PARG: variants seen among roughly 807,000 people sequenced by gnomAD.
The protein encoded by PARG is mitochondrial poly(ADP-ribose) glycohydrolase.
A neutral mutation model predicts 113.0 loss-of-function variants in PARG; 35 were observed. That is an observed-to-expected ratio of 0.31 (90% CI 0.24 to 0.41). The LOEUF (loss-of-function observed/expected upper bound fraction) is 0.41, where lower values mean the gene tolerates loss of function less well. Ranked by LOEUF, PARG falls within the 10% of genes least tolerant of loss-of-function variation. The pLI, the probability that PARG is intolerant of heterozygous loss-of-function variation, is 1.00. For missense variants in PARG, 797 were observed against 1,169.4 expected (o/e 0.68, Z 4.64); for synonymous variants, 330 against 409.9 (o/e 0.81, Z 2.36).
chr10:49,854,193 A>AG (rs1271420905), intron 13 of PARG, among the ~76,000 whole-genome samples: 1 of 148,968 alleles, frequency 6.7e-6, no homozygotes, highest in Non-Finnish European at 1.5e-5. Context: ...AAGCCATCAG[A>AG]GGGGGCAAAA....
chr10:49,933,450 C>T lies in PARG; in HGVS notation c.998G>A (p.Ser333Asn), dbSNP rs1554910423. 2.5e-6 allele frequency: 4 copies of T among 1,612,512 alleles called. No homozygotes were observed. The Admixed American group carries it at 6.7e-5, about 27-fold the overall frequency. ...AGGTTTATTTGCTGTTTGGGAGGAA[C>T]TACCATCTTCTTGTTCATCAAAACC... ...SPGFDEQEDG[S>N]SSQTANKPSR... is the part of the protein sequence containing the mutation. The change falls in exon 3 of 18, where the codon AGT (serine) becomes AAT (asparagine). Residue 333 changes from serine (S) to asparagine (N), a missense_variant. Physicochemically the swap from Ser to Asn is conservative, Grantham distance 46. Around this residue, in one of 5 missense-constraint regions of PARG, gnomAD observed 252 missense variants for 437.4 expected, o/e 0.58. Transcript: ENST00000616448.
intron 4 of PARG, 88 bp downstream of exon 4, chr10:49,932,012 A>C (rs1240527092): frequency 1.3e-6 from 1 of 761,950 alleles, no homozygotes; most frequent in Non-Finnish European, 2.3e-6. Context: ...AGAACTTTCT[A>C]AGCCTTGGTC....
Position 49,931,962 on chromosome 10 carries a change from T to C in PARG, c.1455+138A>G, listed in dbSNP as rs1428189310. 2,080 of 636,314 alleles carry C rather than the reference T, an allele frequency of 3.3e-3. 2 individuals carry two copies. The highest frequency in any genetic ancestry group is 4.9e-3 in the Non-Finnish European group (1,729 of 353,142). 39.4% of individuals were successfully genotyped at this position (636,314 alleles called of 1,614,324 possible). On this transcript the variant is annotated intron_variant, in intron 4 of 17. Transcript: ENST00000616448. ...GTAAGTTATCATTATATTGCTCCAT[T>C]CTGTAGAATTCTCAGTATTTTATAT...
At chr10:49,926,175 T>C (rs1460348352) in intron 4 of PARG, among the ~76,000 whole-genome samples, 3 of 152,058 alleles carry the variant, frequency 2.0e-5, no homozygotes, top group African/African-American at 7.3e-5. Flanking sequence ...CTTGGTACTG[T>C]GACGTGCCTG....
At position 49,856,764 on chromosome 10, in the gene PARG, A is replaced by C. The variant is rs2941124; in HGVS notation, c.2353+542T>G. On this transcript the variant is annotated intron_variant, in intron 13 of 17. Transcript: ENST00000616448. ...GTGGCTCACGCCTGTAATCCCAGCA[A>C]TTTGGGAGGCCGAGGCGGGCGGATC... Among the ~76,000 whole-genome samples, 4 of 151,708 alleles carry C rather than the reference A, an allele frequency of 2.6e-5. No individual in the cohort carries two copies. The East Asian group carries it at 7.8e-4, about 30-fold the overall frequency.
intron 15 of PARG, 109 bp from the exon 16 acceptor site, chr10:49,833,017 A>G: frequency 4.2e-6 from 2 of 481,746 alleles, no homozygotes; most frequent in Non-Finnish European, 7.2e-6. Flanking sequence ...TCAATTTCTC[A>G]TTTTTTTTTT....
intron 7 of PARG, among the ~76,000 whole-genome samples, chr10:49,888,402 T>C (rs1271255704): frequency 6.6e-6 from 1 of 152,180 alleles, no homozygotes; most frequent in African/African-American, 2.4e-5. Context: ...TAGACATTAC[T>C]TTATGTTAGG....
At chr10:49,898,390 AT>A (rs1848197623) in intron 7 of PARG, among the ~76,000 whole-genome samples, 1 of 150,748 alleles carries the variant, frequency 6.6e-6, no homozygotes, top group Non-Finnish European at 1.5e-5. Flanking sequence ...GATCTCACAT[AT>A]TTATTACCTC....
intron 7 of PARG, among the ~76,000 whole-genome samples, chr10:49,900,358 T>A (rs1480192334): frequency 6.6e-6 from 1 of 151,672 alleles, no homozygotes; most frequent in African/African-American, 2.4e-5. Context: ...TGGTGGAAAT[T>A]TCCCCATCAT....
rs545335697 is a variant in PARG, at chr10:49,821,867, ACAGG to A, written c.2648-1578_2648-1575del. ...CCACATTGAAGGGAAAGGAAGAAGA[ACAGG>A]AAGAAAGAAAGAACCCAAGTAACTT... On this transcript the variant is annotated intron_variant, in intron 16 of 17. Transcript: ENST00000616448. Among the ~76,000 whole-genome samples, 37 of 152,298 alleles carry A rather than the reference ACAGG, an allele frequency of 2.4e-4. No homozygotes were observed. The South Asian group carries it at 4.1e-3, about 17-fold the overall frequency.
At chr10:49,899,400 G>A (rs1345468710) in intron 7 of PARG, among the ~76,000 whole-genome samples, 1 of 152,220 alleles carries the variant, frequency 6.6e-6, no homozygotes, top group Non-Finnish European at 1.5e-5. Flanking sequence ...AGAGCAGAAT[G>A]TGACAGCTTA....
intron 7 of PARG, among the ~76,000 whole-genome samples, chr10:49,900,491 C>A (rs1202078950): frequency 6.6e-6 from 1 of 151,896 alleles, no homozygotes; most frequent in Admixed American, 6.6e-5. Flanking sequence ...TATTTTCCTA[C>A]ACAAACTTCA....
At chr10:49,918,973 C>G (rs1240512045) in intron 6 of PARG, among the ~76,000 whole-genome samples, 3 of 151,858 alleles carry the variant, frequency 2.0e-5, no homozygotes, top group Non-Finnish European at 2.9e-5. Flanking sequence ...GAGTTTCGCT[C>G]TTTGTTGCCC....
In PARG at chr10:49,842,151, T is replaced by C. The variant is rs1845275021; in HGVS notation, c.2433-93A>G. The C allele has an allele frequency of 7.4e-6, 6 of 805,738 alleles. No homozygotes were observed. In the East Asian group the frequency reaches 1.6e-4, roughly 21 times the overall value. The allele number at this position is 805,738 out of a possible 1,614,324, so 49.9% of individuals were successfully genotyped here. A position where few individuals can be genotyped will look rare whatever the true frequency, so the allele number is the denominator to read the frequency against. On this transcript the variant is annotated intron_variant, in intron 14 of 17. Transcript: ENST00000616448. ...GGTCAGGTTGCCAAGACTTTAGCTC[T>C]GTTAAAATATTAAAAACAAACCAGT...
intron 7 of PARG, among the ~76,000 whole-genome samples, chr10:49,903,691 G>C (rs1554844175): frequency 6.6e-6 from 1 of 151,696 alleles, no homozygotes; most frequent in African/African-American, 2.4e-5. Flanking sequence ...GATAAAAACT[G>C]AGCTGAGTCT....
intron 4 of PARG, among the ~76,000 whole-genome samples, chr10:49,931,693 CAAAAA>C (rs1191457420): frequency 5.6e-5 from 4 of 71,756 alleles, no homozygotes; most frequent in East Asian, 5.8e-4. Flanking sequence ...TGGTCTCCAG[CAAAAA>C]AAAAAAAAAA....
At chr10:49,820,635 T>C (rs542774537) in intron 16 of PARG, among the ~76,000 whole-genome samples, 6 of 151,620 alleles carry the variant, frequency 4.0e-5, no homozygotes, top group East Asian at 1.9e-4. Flanking sequence ...AGCAGGAGAA[T>C]TGCTTGAACC....
At chr10:49,936,818 G>A (rs1392039751) in intron 1 of PARG, among the ~76,000 whole-genome samples, 4 of 152,042 alleles carry the variant, frequency 2.6e-5, no homozygotes, top group African/African-American at 9.7e-5. Flanking sequence ...TGAAATAATG[G>A]CATAATCGAA....
chr10:49,889,395 A>C (rs1847658472), intron 7 of PARG, among the ~76,000 whole-genome samples: 1 of 152,200 alleles, frequency 6.6e-6, no homozygotes, highest in Admixed American at 6.5e-5. Flanking sequence ...GAGGGTAAAA[A>C]TTCATGTTCC....
Sources: allele counts gnomAD v4.1 joint callset (sites outside exome capture counted in the v4.1 genomes callset), GRCh38; gene constraint gnomAD v4.1.1; regional missense constraint gnomAD v4.1.1; transcripts MANE v1.5; gene names NCBI Gene and HGNC (gene_info 2026-07-23, HGNC 2026-07-21).